SLC44A1: variants seen among roughly 807,000 people sequenced by gnomAD.
SLC44A1 encodes solute carrier family 44 member 1.
A neutral mutation model predicts 79.3 loss-of-function variants in SLC44A1; 26 were observed. The observed-to-expected ratio is 0.33, with a 90% CI of 0.24 to 0.46. The LOEUF (loss-of-function observed/expected upper bound fraction) is 0.46, where lower values mean the gene tolerates loss of function less well. SLC44A1 is among the 20% of genes least tolerant of loss of function. The pLI is 1.00. For synonymous variants in SLC44A1, 263 were observed against 286.2 expected (o/e 0.92, Z 0.82); for missense variants, 688 against 798.1 (o/e 0.86, Z 1.66).
At chr9:105,256,560 A>C (rs1401474790) in intron 1 of SLC44A1, among the ~76,000 whole-genome samples, 1 of 148,208 alleles carries the variant, frequency 6.7e-6, no homozygotes, top group African/African-American at 2.5e-5. Context: ...AAATGGCTGG[A>C]AACTCTTTTT....
intron 15 of SLC44A1, among the ~76,000 whole-genome samples, chr9:105,408,944 A>C (rs1829063192): frequency 6.6e-6 from 1 of 152,234 alleles, no homozygotes; most frequent in African/African-American, 2.4e-5. Flanking sequence ...CCCCAAGGTA[A>C]CATTAACAAA....
chr9:105,348,690 G>A (rs1484403767), intron 5 of SLC44A1, among the ~76,000 whole-genome samples: 3 of 151,844 alleles, frequency 2.0e-5, no homozygotes, highest in African/African-American at 2.4e-5. Flanking sequence ...TCTTTTAGGG[G>A]CTTGCTTTTT....
chr9:105,295,726 A>G (rs1830705391), intron 1 of SLC44A1, among the ~76,000 whole-genome samples: 1 of 152,066 alleles, frequency 6.6e-6, no homozygotes, highest in African/African-American at 2.4e-5. Flanking sequence ...GTCTTATTGG[A>G]ATAGGCTTTG....
intron 15 of SLC44A1, among the ~76,000 whole-genome samples, chr9:105,430,324 T>G (rs1204877201): frequency 6.6e-6 from 1 of 152,224 alleles, no homozygotes; most frequent in Non-Finnish European, 1.5e-5. Context: ...AAGTGTTTAC[T>G]TCATGGTTTT....
At chr9:105,267,060 A>C (rs1014228651) in intron 1 of SLC44A1, among the ~76,000 whole-genome samples, 2 of 152,086 alleles carry the variant, frequency 1.3e-5, no homozygotes, top group African/African-American at 4.8e-5. Context: ...CACCTCCTTC[A>C]GTAGCTTACT....
chr9:105,270,582 G>A (rs1265296088), intron 1 of SLC44A1, among the ~76,000 whole-genome samples: 3 of 152,024 alleles, frequency 2.0e-5, no homozygotes, highest in Non-Finnish European at 2.9e-5. Context: ...GAGATCCTTC[G>A]TCTTTCAGGG....
At chr9:105,357,557 A>G (rs945099278) in intron 6 of SLC44A1, among the ~76,000 whole-genome samples, 3 of 152,204 alleles carry the variant, frequency 2.0e-5, no homozygotes, top group African/African-American at 7.2e-5. Context: ...TAAGAAATTT[A>G]TAAATTATTA....
intron 3 of SLC44A1, among the ~76,000 whole-genome samples, chr9:105,312,098 A>G (rs777412455): frequency 2.6e-5 from 4 of 152,206 alleles, no homozygotes; most frequent in African/African-American, 4.8e-5. Context: ...CCGCTAGTAC[A>G]GTAGCTGGTC....
intron 15 of SLC44A1, among the ~76,000 whole-genome samples, chr9:105,432,128 G>T (rs1441251670): frequency 6.6e-6 from 1 of 152,082 alleles, no homozygotes; most frequent in African/African-American, 2.4e-5. Flanking sequence ...CACCATTTTG[G>T]CCAGGCTCGT....
At position 105,348,376 on chromosome 9, in the gene SLC44A1, A is replaced by G; in HGVS notation, c.425A>G (p.Tyr142Cys). ...TCAACAGGTTCAGCCCTATGTAGCT[A>G]CAACCTAAAGCCTTCTGAATACACT... The part of the protein sequence containing the change: ...AEINGSALCS[Y>C]NLKPSEYTTS... Residue 142 changes from tyrosine to cysteine, a missense_variant, in exon 5 of 16, where the codon TAC becomes TGC. Physicochemically the swap from Tyr to Cys is radical, Grantham distance 194. Transcript: ENST00000374720. The G allele has an allele frequency of 6.2e-7, 1 of 1,608,426 alleles. No individual in the cohort carries two copies. The highest frequency in any genetic ancestry group is 8.5e-7 in the Non-Finnish European group (1 of 1,175,198).
chr9:105,415,515 G>A (rs974921386), intron 15 of SLC44A1, among the ~76,000 whole-genome samples: 3 of 152,240 alleles, frequency 2.0e-5, no homozygotes, highest in African/African-American at 4.8e-5. Context: ...AGGAGTTCCA[G>A]CTGGAGCAGG....
intron 1 of SLC44A1, among the ~76,000 whole-genome samples, chr9:105,276,502 T>C (rs1414205111): frequency 6.6e-6 from 1 of 151,216 alleles, no homozygotes; most frequent in East Asian, 1.9e-4. Flanking sequence ...AAATATACAG[T>C]ATAGCAGATG....
chr9:105,298,978 C>A (rs746950978), intron 1 of SLC44A1, among the ~76,000 whole-genome samples: 1 of 151,888 alleles, frequency 6.6e-6, no homozygotes, highest in Non-Finnish European at 1.5e-5. Flanking sequence ...ACCAAAAAAG[C>A]GATGAACTCA....
chr9:105,335,717 C>A lies in SLC44A1; in HGVS notation c.406+18C>A, dbSNP rs1826895605. The A allele has an allele frequency of 6.2e-7, 1 of 1,606,454 alleles. No homozygotes were observed. Among genetic ancestry groups the A allele is most frequent in the South Asian group, 1.1e-5 (1 of 89,434 alleles). Reference sequence around the variant, plus strand: ...GATAAATGGTGAGACATTAGGCCATCCAAATCTATGTCCTGTCACCTTGTT... The same window carrying A: ...GATAAATGGTGAGACATTAGGCCATACAAATCTATGTCCTGTCACCTTGTT... On this transcript the variant is annotated intron_variant, in intron 4 of 15. Coordinates refer to ENST00000374720, the MANE Select transcript of SLC44A1 (RefSeq NM_080546.5).
In SLC44A1 at chr9:105,392,792, A is replaced by T; in HGVS notation, c.*3736A>T. On this transcript the variant is annotated 3_prime_UTR_variant, in exon 16 of 16. Transcript: ENST00000374720. ...CAGTTCCAAAACCAGAACTGCCAGT[A>T]ATGGTGACTTGAATATTTTATTTGA... 3.0e-6 allele frequency: 3 copies of T among 985,396 alleles called. No homozygotes were observed. The highest frequency in any genetic ancestry group is 3.6e-6 in the Non-Finnish European group (3 of 829,878). The allele number at this position is 985,396 out of a possible 1,614,324, so 61.0% of individuals were successfully genotyped here. A position where few individuals can be genotyped will look rare whatever the true frequency, so the allele number is the denominator to read the frequency against.
At chr9:105,351,117 C>G (rs1308897022) in intron 5 of SLC44A1, among the ~76,000 whole-genome samples, 1 of 152,162 alleles carries the variant, frequency 6.6e-6, no homozygotes, top group Non-Finnish European at 1.5e-5. Flanking sequence ...CCAGAGAGAA[C>G]AGCAATAGTA....
intron 7 of SLC44A1, among the ~76,000 whole-genome samples, chr9:105,359,040 G>A (rs1407965206): frequency 6.6e-6 from 1 of 152,122 alleles, no homozygotes; most frequent in East Asian, 1.9e-4. Context: ...TTTCGCCCTT[G>A]TTAAATAGTC....
At chr9:105,364,376 A>G (rs903917053) in intron 9 of SLC44A1, among the ~76,000 whole-genome samples, 179 bp from the exon 10 acceptor site, 1 of 152,252 alleles carries the variant, frequency 6.6e-6, no homozygotes, top group African/African-American at 2.4e-5. Context: ...AATGCATAAT[A>G]GTACAATTCT....
Position 105,248,134 on chromosome 9 carries a change from C to G in SLC44A1, c.36+3230C>G, listed in dbSNP as rs187121936. ...GTGTGCTTTGAGGTAATCTGCAGTT[C>G]AGTTTAGCTTTTCTCAGCAGTATCT... On this transcript the variant is annotated intron_variant, in intron 1 of 15. Coordinates refer to ENST00000374720, the MANE Select transcript of SLC44A1 (RefSeq NM_080546.5). Among the ~76,000 whole-genome samples, 163 of 152,338 alleles carry G rather than the reference C, an allele frequency of 1.1e-3. 1 individual carries two copies. The highest frequency in any genetic ancestry group is 3.8e-3 in the African/African-American group (158 of 41,586).
Sources: gnomAD v4.1 joint callset for allele counts (sites outside exome capture counted in the v4.1 genomes callset) on GRCh38, gnomAD v4.1.1 for gene constraint, MANE v1.5 for transcripts, NCBI Gene and HGNC (gene_info 2026-07-23, HGNC 2026-07-21) for gene names.